Variants in IQUB observed in about 807,000 individuals in gnomAD.
IQUB encodes the protein IQ motif and ubiquitin-like domain-containing protein.
A neutral mutation model predicts 86.4 loss-of-function variants in IQUB; 86 were observed. The observed-to-expected ratio is 1.00, with a 90% CI of 0.84 to 1.19. The LOEUF (loss-of-function observed/expected upper bound fraction) is 1.19, where lower values mean the gene tolerates loss of function less well. IQUB is among the 50% of genes most tolerant of loss of function. The pLI is 0.00. For missense variants in IQUB, 946 were observed against 916.9 expected (o/e 1.03, Z -0.41); for synonymous variants, 289 against 304.5 (o/e 0.95, Z 0.53).
At chr7:123,469,780 T>A (rs751930798) in intron 8 of IQUB, among the ~76,000 whole-genome samples, 2 of 152,156 alleles carry the variant, frequency 1.3e-5, no homozygotes, top group Non-Finnish European at 2.9e-5. Context: ...TTTTGTAGAG[T>A]AATTATGACA....
chr7:123,464,148 C>A (rs891598034), intron 10 of IQUB, among the ~76,000 whole-genome samples: 25 of 151,680 alleles, frequency 1.6e-4, no homozygotes, highest in African/African-American at 6.0e-4. Context: ...AACTATAATT[C>A]TCTGACAACA....
chr7:123,487,551 T>C (rs1196450337), intron 7 of IQUB, among the ~76,000 whole-genome samples: 1 of 152,250 alleles, frequency 6.6e-6, no homozygotes, highest in East Asian at 1.9e-4. Context: ...TAGTAACTAA[T>C]AGTTCCTGTT....
At chr7:123,493,848 A>G (rs149740332) in intron 7 of IQUB, among the ~76,000 whole-genome samples, 36 of 148,714 alleles carry the variant, frequency 2.4e-4, no homozygotes, top group African/African-American at 8.6e-4. Flanking sequence ...ATACATATAC[A>G]CATATTTGCC....
chr7:123,471,305 C>T (rs949497164), intron 8 of IQUB, among the ~76,000 whole-genome samples: 12 of 152,008 alleles, frequency 7.9e-5, no homozygotes, highest in Non-Finnish European at 8.8e-5. Context: ...TGCATATAGC[C>T]TTATTTTGGG....
chr7:123,485,136 G>A (rs1482602746), intron 7 of IQUB, among the ~76,000 whole-genome samples: 3 of 152,066 alleles, frequency 2.0e-5, no homozygotes, highest in Non-Finnish European at 4.4e-5. Flanking sequence ...AGTACCATTG[G>A]TTGGGTGGTT....
intron 7 of IQUB, among the ~76,000 whole-genome samples, chr7:123,489,778 T>G (rs935433350): frequency 6.6e-6 from 1 of 151,588 alleles, no homozygotes; most frequent in Admixed American, 6.6e-5. Flanking sequence ...AACATATATC[T>G]GCTAGGATTT....
At chr7:123,486,665 T>C (rs1795223596) in intron 7 of IQUB, among the ~76,000 whole-genome samples, 1 of 152,180 alleles carries the variant, frequency 6.6e-6, no homozygotes, top group African/African-American at 2.4e-5. Context: ...AACACTATCA[T>C]ATTGAGTACT....
intron 1 of IQUB, among the ~76,000 whole-genome samples, chr7:123,513,507 G>A (rs1211861988): frequency 6.6e-6 from 1 of 152,178 alleles, no homozygotes; most frequent in Non-Finnish European, 1.5e-5. Flanking sequence ...AGATGCATTG[G>A]AGACTATGTG....
chr7:123,455,701 T>C (rs1031438252), intron 12 of IQUB, among the ~76,000 whole-genome samples: 1 of 152,080 alleles, frequency 6.6e-6, no homozygotes, highest in Non-Finnish European at 1.5e-5. Flanking sequence ...CAGAGCTGCT[T>C]TTATCCTCTT....
intron 7 of IQUB, among the ~76,000 whole-genome samples, chr7:123,481,888 G>A (rs972554145): frequency 6.6e-6 from 1 of 152,012 alleles, no homozygotes; most frequent in African/African-American, 2.4e-5. Context: ...TAACAGTTAT[G>A]TTTAAAATAT....
chr7:123,510,173 G>C (rs1796355277), intron 2 of IQUB, 138 bp from the exon 3 acceptor site: 6 of 590,240 alleles, frequency 1.0e-5, no homozygotes, highest in Non-Finnish European at 1.8e-5. Context: ...GTGTTTCCCT[G>C]CTGTGCCCCA....
intron 12 of IQUB, among the ~76,000 whole-genome samples, chr7:123,455,712 T>A (rs1793662121): frequency 6.6e-6 from 1 of 152,134 alleles, no homozygotes; most frequent in South Asian, 2.1e-4. Context: ...TTATCCTCTT[T>A]ACTGATTCCA....
rs181457364 is a variant in IQUB at position 123,521,416 on chromosome 7, T to A, written c.-4-9072A>T. On this transcript the variant is annotated intron_variant, in intron 1 of 12. Transcript: ENST00000324698. ...CCAGCACTTTGGGAGGCCGAGGTGGTCAGATCTCTCGAGCCTAGGAATTCA... is the reference window on the plus strand; with the variant it reads ...CCAGCACTTTGGGAGGCCGAGGTGGACAGATCTCTCGAGCCTAGGAATTCA... 1.4e-3 allele frequency among the ~76,000 whole-genome samples: 215 copies of A among 152,062 alleles called. 1 individual carries two copies. The highest frequency in any genetic ancestry group is 6.8e-3 in the Middle Eastern group (2 of 294).
At chr7:123,475,615 T>C (rs1202701300) in intron 8 of IQUB, among the ~76,000 whole-genome samples, 1 of 152,150 alleles carries the variant, frequency 6.6e-6, no homozygotes, top group Non-Finnish European at 1.5e-5. Context: ...ATTGTGTAAG[T>C]ATATACAACA....
chr7:123,461,174 G>C (rs563484937), intron 11 of IQUB, among the ~76,000 whole-genome samples, 183 bp downstream of exon 11: 9 of 151,560 alleles, frequency 5.9e-5, no homozygotes, highest in Non-Finnish European at 1.3e-4. Context: ...ACTGTATTAG[G>C]TTATAGAGGT....
Position 123,503,082 on chromosome 7 carries a change from A to C in IQUB, c.729T>G (p.Ile243Met). The change falls in exon 5 of 13, where the codon ATT (isoleucine) becomes ATG (methionine). Residue 243 changes from isoleucine (I) to methionine (M), a missense_variant. Coordinates refer to ENST00000324698, the MANE Select transcript of IQUB (RefSeq NM_178827.5). ...LDQYQQVPVE[I>M]VKSDFHKPFL... is the part of the protein sequence containing the mutation. ...ATGGTTTGTGAAAGTCAGATTTGAC[A>C]ATCTCAACAGGTACCTGCTGGTATT... 2 of 1,613,546 alleles carry C rather than the reference A, an allele frequency of 1.2e-6. No individual in the cohort carries two copies. The highest frequency in any genetic ancestry group is 8.5e-7 in the Non-Finnish European group (1 of 1,179,740).
intron 7 of IQUB, among the ~76,000 whole-genome samples, chr7:123,493,556 C>T (rs1490610103): frequency 1.3e-5 from 2 of 152,066 alleles, no homozygotes; most frequent in African/African-American, 4.8e-5. Context: ...AAGACAGAAG[C>T]GTCCAATGTT....
intron 7 of IQUB, among the ~76,000 whole-genome samples, chr7:123,493,167 C>T (rs970397372): frequency 6.6e-6 from 1 of 152,126 alleles, no homozygotes; most frequent in African/African-American, 2.4e-5. Flanking sequence ...GTTCAGGCAA[C>T]AATCCTCGTT....
chr7:123,488,071 C>T (rs1348306298), intron 7 of IQUB, among the ~76,000 whole-genome samples: 1 of 152,154 alleles, frequency 6.6e-6, no homozygotes, highest in Non-Finnish European at 1.5e-5. Flanking sequence ...AAAAGCTGAG[C>T]TCAGTGGCTC....
Sources: gnomAD v4.1 joint callset for allele counts (sites outside exome capture counted in the v4.1 genomes callset) on GRCh38, gnomAD v4.1.1 for gene constraint, MANE v1.5 for transcripts, NCBI Gene and HGNC (gene_info 2026-07-23, HGNC 2026-07-21) for gene names.